The following RPTOR variants were observed in gnomAD, a reference collection of about 807,000 sequenced individuals.
The protein encoded by RPTOR is regulatory-associated protein of mTOR.
RPTOR carries 21 observed loss-of-function variants against 169.9 expected under a neutral mutation model. That is an observed-to-expected ratio of 0.12 (90% CI 0.09 to 0.18). RPTOR has a LOEUF of 0.18. Ranked by LOEUF, RPTOR falls within the 10% of genes least tolerant of loss-of-function variation. The probability of loss-of-function intolerance (pLI) is 1.00; values close to 1 mark genes in which losing one functional copy is unlikely to be tolerated. For missense variants in RPTOR, 1,133 were observed against 1,855.9 expected (o/e 0.61, Z 7.16); for synonymous variants, 732 against 753.2 (o/e 0.97, Z 0.46).
intron 1 of RPTOR, among the ~76,000 whole-genome samples, chr17:80,624,796 A>T (rs1465434343): frequency 6.6e-6 from 1 of 152,192 alleles, no homozygotes; most frequent in Non-Finnish European, 1.5e-5. Flanking sequence ...GTCTTCCCTC[A>T]CTCAGCAGGT....
intron 1 of RPTOR, chr17:80,593,512 C>G (rs1164408330): frequency 1.3e-5 from 2 of 154,718 alleles, no homozygotes; most frequent in African/African-American, 4.8e-5. Flanking sequence ...TTTCCTTATC[C>G]AACAAACCGC....
At chr17:80,908,974 G>A (rs780694647) in intron 21 of RPTOR, 45 bp downstream of exon 21, 9 of 1,390,942 alleles carry the variant, frequency 6.5e-6, no homozygotes, top group Middle Eastern at 2.1e-4. Flanking sequence ...GCTGGTTCTC[G>A]GTTACGAGTA....
chr17:80,628,552 A>G lies in RPTOR; in HGVS notation c.265+2759A>G, dbSNP rs145480803. On this transcript the variant is annotated intron_variant, in intron 2 of 33. Transcript: ENST00000306801. ...TATTTTGCTTCATTTTTCTCTGGCA[A>G]TCTTCAAGATGTTCCCTTTATATTC... 2.2e-4 allele frequency among the ~76,000 whole-genome samples: 34 copies of G among 152,136 alleles called. No individual in the cohort carries two copies. The South Asian group carries it at 5.0e-3, about 22-fold the overall frequency.
rs1245556137 is a variant in RPTOR, at chr17:80,659,265, G to A, written c.348+15455G>A. Among the ~76,000 whole-genome samples, 9 of 152,066 alleles carry A rather than the reference G, an allele frequency of 5.9e-5. No homozygotes were observed. The highest frequency in any genetic ancestry group is 1.3e-4 in the Non-Finnish European group (9 of 68,014). ...GGCTCCATGGCTCCGAGGGGGAAGT[G>A]GGCTCAGAAGAGTGGGCTTCTGATC... is the stretch of plus-strand genomic sequence containing the variant. On this transcript the variant is annotated intron_variant, in intron 3 of 33. Transcript: ENST00000306801. This position sits in a 1 kb window ranked among gnomAD's most constrained non-coding sequence, Gnocchi z 4.3.
chr17:80,702,005 T>C (rs35232546), intron 3 of RPTOR, among the ~76,000 whole-genome samples: 40,411 of 152,036 alleles, frequency 0.27, 7,433 homozygotes, highest in African/African-American at 0.53. Context: ...GTCCCTCCCA[T>C]GCTCAGGGCT....
intron 16 of RPTOR, 152 bp from the exon 17 acceptor site, chr17:80,884,856 A>G (rs766563140): frequency 7.6e-6 from 8 of 1,052,726 alleles, no homozygotes; most frequent in Non-Finnish European, 9.3e-6. Context: ...CCCCGTTGCC[A>G]CTCTGATAGT....
At chr17:80,907,490 C>T (rs1367332524) in intron 20 of RPTOR, among the ~76,000 whole-genome samples, 1 of 152,274 alleles carries the variant, frequency 6.6e-6, no homozygotes, top group Non-Finnish European at 1.5e-5. Context: ...GCTGGACATG[C>T]AGCCTCTACC....
Position 80,545,621 on chromosome 17 carries a change from C to A in RPTOR, c.-9C>A. ...GCTGCCAAGGACTCCCCCACCCCCT[C>A]CCCCACTGATGGAGTCCGAAATGCT... is the stretch of plus-strand genomic sequence containing the variant. On this transcript the variant is annotated 5_prime_UTR_variant, in exon 1 of 34. Coordinates refer to ENST00000306801, the MANE Select transcript of RPTOR (RefSeq NM_020761.3). The A allele has an allele frequency of 6.2e-7, 1 of 1,604,896 alleles. No individual in the cohort carries two copies. Among genetic ancestry groups the A allele is most frequent in the Non-Finnish European group, 8.5e-7 (1 of 1,175,310 alleles).
chr17:80,831,153 T>C (rs954133677), intron 9 of RPTOR, among the ~76,000 whole-genome samples: 9 of 152,178 alleles, frequency 5.9e-5, no homozygotes, highest in African/African-American at 2.2e-4. Context: ...TTAAGGTGCT[T>C]AGGAGGGAGG....
intron 3 of RPTOR, among the ~76,000 whole-genome samples, chr17:80,650,543 C>T (rs1004333156): frequency 6.6e-5 from 10 of 152,314 alleles, no homozygotes; most frequent in East Asian, 1.9e-4. Context: ...GGAAAGAATG[C>T]GAACTGGTTT....
At chr17:80,712,704 A>G (rs908999337) in intron 4 of RPTOR, among the ~76,000 whole-genome samples, 2 of 152,196 alleles carry the variant, frequency 1.3e-5, no homozygotes, top group African/African-American at 4.8e-5. Flanking sequence ...TTGGTGGATG[A>G]TTCGGTTAGA....
At chr17:80,560,765 A>C (rs1419701101) in intron 1 of RPTOR, among the ~76,000 whole-genome samples, 2 of 152,144 alleles carry the variant, frequency 1.3e-5, no homozygotes, top group African/African-American at 4.8e-5. Flanking sequence ...ACTCCCCAGC[A>C]CTTGGCTACG....
At chr17:80,548,741 A>G (rs1250554283) in intron 1 of RPTOR, among the ~76,000 whole-genome samples, 1 of 152,146 alleles carries the variant, frequency 6.6e-6, no homozygotes, top group Non-Finnish European at 1.5e-5. Context: ...CAGGCCACAC[A>G]GTCCCACTGT....
chr17:80,905,590 T>C (rs1441203469), intron 20 of RPTOR, among the ~76,000 whole-genome samples: 9 of 148,754 alleles, frequency 6.1e-5, no homozygotes, highest in African/African-American at 1.7e-4. Context: ...AGCGAGACTC[T>C]GTCTCAAAAA....
intron 13 of RPTOR, among the ~76,000 whole-genome samples, chr17:80,869,767 G>A (rs1347301242): frequency 6.6e-6 from 1 of 152,182 alleles, no homozygotes; most frequent in African/African-American, 2.4e-5. Flanking sequence ...ATATTTCTGG[G>A]CAAAGCGTCA....
At chr17:80,935,517 G>A (rs561355269) in intron 24 of RPTOR, among the ~76,000 whole-genome samples, 11 of 152,248 alleles carry the variant, frequency 7.2e-5, no homozygotes, top group Admixed American at 2.6e-4. Context: ...TAGATCAATG[G>A]AACAGAATAG....
At chr17:80,777,439 A>C (rs1033446702) in intron 6 of RPTOR, among the ~76,000 whole-genome samples, 8 of 152,162 alleles carry the variant, frequency 5.3e-5, no homozygotes, top group Admixed American at 1.3e-4. Context: ...GTATGTCTTC[A>C]TTCCAGCCGT....
At chr17:80,690,803 C>T (rs957002988) in intron 3 of RPTOR, among the ~76,000 whole-genome samples, 4 of 151,952 alleles carry the variant, frequency 2.6e-5, no homozygotes, top group African/African-American at 7.3e-5. Context: ...TGTTTCATTC[C>T]TTTTTTTGCA....
intron 3 of RPTOR, among the ~76,000 whole-genome samples, chr17:80,685,422 T>A (rs1278815926): frequency 6.7e-6 from 1 of 150,360 alleles, no homozygotes; most frequent in African/African-American, 2.5e-5. Flanking sequence ...ACTACGGCCG[T>A]GTACCACCAT....
Sources: gnomAD v4.1 joint callset for allele counts (sites outside exome capture counted in the v4.1 genomes callset) on GRCh38, gnomAD v4.1.1 for gene constraint, Gnocchi (gnomAD v3.1) non-coding constraint, MANE v1.5 for transcripts, NCBI Gene and HGNC (gene_info 2026-07-23, HGNC 2026-07-21) for gene names.